The following APLF variants were observed in gnomAD, a reference collection of about 807,000 sequenced individuals.
APLF encodes aprataxin and PNK-like factor.
A neutral mutation model predicts 55.6 loss-of-function variants in APLF; 61 were observed. That is an observed-to-expected ratio of 1.10 (90% CI 0.89 to 1.36). APLF has a LOEUF of 1.36. Ranked by LOEUF, APLF falls within the 40% of genes most tolerant of loss-of-function variation. The pLI, the probability that APLF is intolerant of heterozygous loss-of-function variation, is 0.00. For missense variants in APLF, 611 were observed against 602.5 expected (o/e 1.01, Z -0.15); for synonymous variants, 207 against 214.8 (o/e 0.96, Z 0.32).
At chr2:68,563,296 A>G in intron 8 of APLF, 1 of 984,402 alleles carries the variant, frequency 1.0e-6, no homozygotes, top group Non-Finnish European at 1.2e-6. Flanking sequence ...TAAAATATAA[A>G]ATTTCACATT....
chr2:68,501,513 A>G (rs1414551141), intron 2 of APLF, among the ~76,000 whole-genome samples: 1 of 152,100 alleles, frequency 6.6e-6, no homozygotes, highest in East Asian at 1.9e-4. Flanking sequence ...CAGTGATATT[A>G]TGACAAAATG....
chr2:68,474,179 C>T (rs1407684253), intron 1 of APLF, among the ~76,000 whole-genome samples: 1 of 152,256 alleles, frequency 6.6e-6, no homozygotes, highest in Non-Finnish European at 1.5e-5. Flanking sequence ...GTGTGCCACC[C>T]TCCAGAAACC....
At chr2:68,483,216 G>A (rs1229177432) in intron 1 of APLF, among the ~76,000 whole-genome samples, 2 of 152,246 alleles carry the variant, frequency 1.3e-5, no homozygotes, top group East Asian at 3.9e-4. Flanking sequence ...CTCCTACTGT[G>A]GAGTAATGTA....
At position 68,505,665 on chromosome 2, in the gene APLF, A is replaced by G. The variant is rs528768885; in HGVS notation, c.341+2762A>G. On this transcript the variant is annotated intron_variant, in intron 3 of 9. Transcript: ENST00000303795. ...TTACAGGATACAAATTAACAGCCAG[A>G]TGAGAAGATACATAGGGTGAGGTCT... 5.6e-4 allele frequency among the ~76,000 whole-genome samples: 85 copies of G among 152,142 alleles called. 1 individual carries two copies. In the South Asian group the frequency reaches 6.4e-3, roughly 12 times the overall value.
chr2:68,519,676 ATG>A (rs1051162478), intron 5 of APLF, among the ~76,000 whole-genome samples: 21 of 150,202 alleles, frequency 1.4e-4, no homozygotes, highest in African/African-American at 5.1e-4. Context: ...ATATAAATAT[ATG>A]TATATATATA....
chr2:68,512,792 A>G (rs904656414), intron 3 of APLF, among the ~76,000 whole-genome samples: 3 of 151,740 alleles, frequency 2.0e-5, no homozygotes, highest in Admixed American at 2.0e-4. Flanking sequence ...GACCATCTGG[A>G]CAAATATTAA....
chr2:68,517,359 A>G lies in APLF; in HGVS notation c.622+3679A>G, dbSNP rs192662898. Among the ~76,000 whole-genome samples, 298 of 130,058 alleles carry G rather than the reference A, an allele frequency of 2.3e-3. 11 individuals are homozygous for G. In the East Asian group the frequency reaches 0.062, roughly 27 times the overall value. 85.3% of individuals were successfully genotyped at this position (130,058 alleles called of 152,430 possible). A position where few individuals can be genotyped will look rare whatever the true frequency, so the allele number is the denominator to read the frequency against. On this transcript the variant is annotated intron_variant, in intron 5 of 9. Transcript: ENST00000303795. ...TATAATATATTAATATATCATTACT[A>G]TATAATATATTCATATAGTAATATA...
intron 9 of APLF, among the ~76,000 whole-genome samples, chr2:68,572,550 G>C (rs1009146848): frequency 2.0e-5 from 3 of 152,324 alleles, no homozygotes; most frequent in Non-Finnish European, 2.9e-5. Context: ...AAAATCTGCA[G>C]TTTGGCTGGG....
At chr2:68,521,993 A>G (rs1669910416) in intron 5 of APLF, among the ~76,000 whole-genome samples, 1 of 151,706 alleles carries the variant, frequency 6.6e-6, no homozygotes, top group South Asian at 2.1e-4. Flanking sequence ...TAGTTTTTGA[A>G]CCTTATATTT....
At chr2:68,519,261 A>AAT (rs1669818298) in intron 5 of APLF, among the ~76,000 whole-genome samples, 1 of 137,780 alleles carries the variant, frequency 7.3e-6, no homozygotes, top group Non-Finnish European at 1.5e-5. Flanking sequence ...ATTTATATAT[A>AAT]ATATAATATA....
At chr2:68,532,281 T>A (rs771993480) in intron 6 of APLF, among the ~76,000 whole-genome samples, 2 of 152,326 alleles carry the variant, frequency 1.3e-5, no homozygotes, top group South Asian at 4.1e-4. Context: ...TGGCCAGGCC[T>A]ACATTTGGAT....
chr2:68,567,864 T>G (rs939928711), intron 9 of APLF, among the ~76,000 whole-genome samples: 1 of 152,126 alleles, frequency 6.6e-6, no homozygotes, highest in Non-Finnish European at 1.5e-5. Flanking sequence ...CTTATTCAGC[T>G]GGGACGATAA....
chr2:68,519,780 A>G (rs1304056475), intron 5 of APLF, among the ~76,000 whole-genome samples: 1 of 151,494 alleles, frequency 6.6e-6, no homozygotes. Context: ...ATAAACATGT[A>G]TGTGTAGGTG....
intron 6 of APLF, among the ~76,000 whole-genome samples, chr2:68,533,603 A>G (rs1222427593): frequency 1.3e-5 from 2 of 152,074 alleles, no homozygotes; most frequent in Non-Finnish European, 2.9e-5. Context: ...TCAGCTGAGA[A>G]CTCAGCTGAA....
rs759862540 is a variant in APLF, at chr2:68,578,052, A to G, written c.*30A>G. On this transcript the variant is annotated 3_prime_UTR_variant, in exon 10 of 10. Transcript: ENST00000303795. ...TAACTTCTGTAGTCATATCTGCCTT[A>G]CATTTACTTTTTCTTTGTGGGAAAA... 27 of 1,592,166 alleles carry G rather than the reference A, an allele frequency of 1.7e-5. 1 individual carries two copies. The South Asian group carries it at 3.1e-4, about 18-fold the overall frequency.
At chr2:68,518,448 A>T (rs1418032838) in intron 5 of APLF, among the ~76,000 whole-genome samples, 2 of 109,134 alleles carry the variant, frequency 1.8e-5, no homozygotes, top group Non-Finnish European at 3.3e-5. Flanking sequence ...ATATAATAAT[A>T]TATTATATAT....
chr2:68,573,998 A>C (rs1275478646), intron 9 of APLF, among the ~76,000 whole-genome samples: 2 of 152,132 alleles, frequency 1.3e-5, no homozygotes, highest in African/African-American at 4.8e-5. Context: ...AGCAGGAAGA[A>C]ATTTATAAGC....
At position 68,511,491 on chromosome 2, in the gene APLF, A is replaced by C. The variant is rs547014831; in HGVS notation, c.342-1589A>C. Among the ~76,000 whole-genome samples the C allele has an allele frequency of 2.6e-4, 40 of 151,858 alleles. 1 individual carries two copies. The highest frequency in any genetic ancestry group is 9.4e-4 in the African/African-American group (39 of 41,524). On this transcript the variant is annotated intron_variant, in intron 3 of 9. Coordinates refer to ENST00000303795, the MANE Select transcript of APLF (RefSeq NM_173545.3). ...GTGGGTAACTATTAATAAAAATTAC[A>C]TATGGACTATAGAGTGTATATGAAT...
chr2:68,538,935 A>G (rs10209461), intron 7 of APLF, among the ~76,000 whole-genome samples: 2,694 of 152,264 alleles, frequency 0.018, 77 homozygotes, highest in African/African-American at 0.061. Flanking sequence ...ATAAGACACT[A>G]GTCAGCATGT....
Sources: gnomAD v4.1 joint callset for allele counts (sites outside exome capture counted in the v4.1 genomes callset) on GRCh38, gnomAD v4.1.1 for gene constraint, MANE v1.5 for transcripts, NCBI Gene and HGNC (gene_info 2026-07-23, HGNC 2026-07-21) for gene names.